The following DIP2C variants were observed in gnomAD, a reference collection of about 807,000 sequenced individuals.
DIP2C encodes the protein DIP2 acetate--CoA ligase C (putative).
Under a neutral mutation model 192.4 loss-of-function variants are expected in DIP2C, and 33 were observed. That is an observed-to-expected ratio of 0.17 (90% CI 0.13 to 0.23). DIP2C has a LOEUF of 0.23. DIP2C is among the 10% of genes least tolerant of loss of function. The probability of loss-of-function intolerance (pLI) is 1.00; values close to 1 mark genes in which losing one functional copy is unlikely to be tolerated. For synonymous variants in DIP2C, 979 were observed against 864.1 expected (o/e 1.13, Z -2.33); for missense variants, 1,537 against 2,110.1 (o/e 0.73, Z 5.32).
At chr10:552,622 G>A (rs183323355) in intron 1 of DIP2C, among the ~76,000 whole-genome samples, 2,204 of 152,302 alleles carry the variant, frequency 0.014, 23 homozygotes, top group Non-Finnish European at 0.023. Flanking sequence ...AGGCCGAGGC[G>A]GGCGGATCAC....
At chr10:411,977 A>G (rs1965218011) in intron 8 of DIP2C, among the ~76,000 whole-genome samples, 1 of 152,244 alleles carries the variant, frequency 6.6e-6, no homozygotes, top group Non-Finnish European at 1.5e-5. Flanking sequence ...TTAAAATACA[A>G]CATATAGATG....
chr10:350,592 A>C (rs1360738846), intron 24 of DIP2C, among the ~76,000 whole-genome samples: 1 of 150,654 alleles, frequency 6.6e-6, no homozygotes, highest in African/African-American at 2.4e-5. Context: ...GGTCAGGAAG[A>C]CTGCAGAGCC....
intron 32 of DIP2C, among the ~76,000 whole-genome samples, chr10:291,205 C>T (rs1955480856): frequency 6.6e-6 from 1 of 152,216 alleles, no homozygotes; most frequent in Non-Finnish European, 1.5e-5. Context: ...CCAGCCTCTG[C>T]CCCCATATTG....
Position 666,265 on chromosome 10 carries a change from C to T in DIP2C, c.85+23229G>A, listed in dbSNP as rs956585381. ...AAAGCAAAGGGCATCACTCCCTACC[C>T]ACGAAAGACTCACAACATCCCTGGA... On this transcript the variant is annotated intron_variant, in intron 1 of 36. Coordinates refer to ENST00000280886, the MANE Select transcript of DIP2C (RefSeq NM_014974.3). The surrounding 1 kb of genome is among the most constrained non-coding windows in gnomAD (Gnocchi z 4.1). The T allele has an allele frequency of 6.6e-6, 1 of 152,300 alleles. No homozygotes were observed. The highest frequency in any genetic ancestry group is 2.4e-5 in the African/African-American group (1 of 41,460). The allele number at this position is 152,300 out of a possible 1,614,324, so 9.4% of individuals were successfully genotyped here.
At chr10:332,908 A>G (rs1957566924) in intron 29 of DIP2C, among the ~76,000 whole-genome samples, 1 of 152,022 alleles carries the variant, frequency 6.6e-6, no homozygotes, top group African/African-American at 2.4e-5. Context: ...GCACTTTATT[A>G]TTTTTTATTG....
intron 14 of DIP2C, among the ~76,000 whole-genome samples, chr10:384,975 A>T (rs1962756467): frequency 6.8e-6 from 1 of 147,902 alleles, no homozygotes; most frequent in Non-Finnish European, 1.5e-5. Context: ...AAGGAGCACC[A>T]CAGACACCAG....
intron 1 of DIP2C, among the ~76,000 whole-genome samples, chr10:576,279 C>T (rs1352454115): frequency 6.6e-6 from 1 of 152,204 alleles, no homozygotes; most frequent in African/African-American, 2.4e-5. Context: ...AGCAACACTG[C>T]GAGGCAAACG....
chr10:657,790 T>C (rs1856470823), intron 1 of DIP2C, among the ~76,000 whole-genome samples: 1 of 121,706 alleles, frequency 8.2e-6, no homozygotes, highest in Non-Finnish European at 1.7e-5. Flanking sequence ...GCTGGACCTC[T>C]CCCTGGACCT....
In DIP2C at chr10:528,379, G is replaced by A. The variant is rs114794507; in HGVS notation, c.86-41849C>T. On this transcript the variant is annotated intron_variant, in intron 1 of 36. Coordinates refer to ENST00000280886, the MANE Select transcript of DIP2C (RefSeq NM_014974.3). ...TGCCCACCCAGAACGCAGACCGCCCGCAGCTCCCCCAGAACGCAGACCGCC... is the reference window on the plus strand; with the variant it reads ...TGCCCACCCAGAACGCAGACCGCCCACAGCTCCCCCAGAACGCAGACCGCC... Among the ~76,000 whole-genome samples the A allele has an allele frequency of 4.3e-3, 386 of 90,132 alleles. 2 individuals carry two copies. The highest frequency in any genetic ancestry group is 0.016 in the Middle Eastern group (3 of 188). The allele number at this position is 90,132 out of a possible 152,430, so 59.1% of individuals were successfully genotyped here.
chr10:543,180 G>C (rs1161568098), intron 1 of DIP2C, among the ~76,000 whole-genome samples: 1 of 152,248 alleles, frequency 6.6e-6, no homozygotes, highest in African/African-American at 2.4e-5. Flanking sequence ...TCGTGTTCCT[G>C]AATCTTCTGC....
chr10:341,200 T>C lies in DIP2C; in HGVS notation c.3583A>G (p.Ser1195Gly), dbSNP rs771149142. The C allele has an allele frequency of 1.2e-6, 2 of 1,614,074 alleles. No homozygotes were observed. Among genetic ancestry groups the C allele is most frequent in the Non-Finnish European group, 1.7e-6 (2 of 1,180,012 alleles). The change falls in exon 29 of 37, where the codon AGT becomes GGT. Residue 1195 changes from serine to glycine, a missense_variant and splice_region_variant. Physicochemically the swap from Ser to Gly is moderately conservative, Grantham distance 56. Coordinates refer to ENST00000280886, the MANE Select transcript of DIP2C (RefSeq NM_014974.3). Reference sequence around the variant, plus strand: ...TAAAGATATAGAGAGGCATCTTACCTGCAGAGGCACCAGAGGACAAATCCC... The same window carrying C: ...TAAAGATATAGAGAGGCATCTTACCCGCAGAGGCACCAGAGGACAAATCCC... ...GLGFVLWCLC[S>G]VYSGHQSILI... is the part of the protein sequence containing the mutation.
chr10:331,071 C>T (rs927806088), intron 29 of DIP2C, among the ~76,000 whole-genome samples: 1 of 151,598 alleles, frequency 6.6e-6, no homozygotes, highest in African/African-American at 2.4e-5. Flanking sequence ...CTATCTTAGC[C>T]TCCCAAAGTG....
In DIP2C at chr10:363,827, C is replaced by T. The variant is rs554395754; in HGVS notation, c.2478-516G>A. Among the ~76,000 whole-genome samples the T allele has an allele frequency of 6.6e-6, 1 of 152,230 alleles. No homozygotes were observed. The highest frequency in any genetic ancestry group is 2.4e-5 in the African/African-American group (1 of 41,468). The stretch of plus-strand genomic sequence containing the variant: ...AGGCAGCAACATCATATCCAGGTAT[C>T]TACTTCCTGCTCCCATCAGCTTCCA... On this transcript the variant is annotated intron_variant, in intron 20 of 36. Coordinates refer to ENST00000280886, the MANE Select transcript of DIP2C (RefSeq NM_014974.3). This position sits in a 1 kb window ranked among gnomAD's most constrained non-coding sequence, Gnocchi z 5.4.
intron 1 of DIP2C, among the ~76,000 whole-genome samples, chr10:507,568 G>A (rs759443313): frequency 5.9e-5 from 9 of 152,190 alleles, no homozygotes; most frequent in Non-Finnish European, 7.3e-5. Flanking sequence ...GACTGTGTGC[G>A]CGGTGACGGA....
chr10:356,181 G>A, intron 24 of DIP2C: 1 of 591,042 alleles, frequency 1.7e-6, no homozygotes, highest in South Asian at 2.0e-5. Context: ...CTCATTTTGG[G>A]GGAGAAATAT....
chr10:304,951 A>G (rs1440001469), intron 32 of DIP2C, among the ~76,000 whole-genome samples: 1 of 152,144 alleles, frequency 6.6e-6, no homozygotes, highest in African/African-American at 2.4e-5. Flanking sequence ...CACACACACG[A>G]CACGTGCAAA....
chr10:531,147 C>G (rs770191598), intron 1 of DIP2C, among the ~76,000 whole-genome samples: 1 of 152,210 alleles, frequency 6.6e-6, no homozygotes, highest in Non-Finnish European at 1.5e-5. Flanking sequence ...TCAAATGTTA[C>G]GCTCGCCCCA....
chr10:632,478 G>C (rs1391397024), intron 1 of DIP2C, among the ~76,000 whole-genome samples: 1 of 93,370 alleles, frequency 1.1e-5, no homozygotes, highest in African/African-American at 4.6e-5. Flanking sequence ...ACCGTAACTG[G>C]AGACCACGCG....
chr10:382,592 C>T (rs753592887), intron 17 of DIP2C, 55 bp downstream of exon 17: 1 of 1,405,536 alleles, frequency 7.1e-7, no homozygotes, highest in South Asian at 1.2e-5. Context: ...TCTCCCTTCG[C>T]TGCTGAATTA....
Sources: gnomAD v4.1 joint callset for allele counts (sites outside exome capture counted in the v4.1 genomes callset) on GRCh38, gnomAD v4.1.1 for gene constraint, Gnocchi (gnomAD v3.1) non-coding constraint, MANE v1.5 for transcripts, NCBI Gene and HGNC (gene_info 2026-07-23, HGNC 2026-07-21) for gene names.